BCR: variants seen among roughly 807,000 people sequenced by gnomAD.
The protein encoded by BCR is BCR activator of RhoGEF and GTPase, also known as breakpoint cluster region protein.
A neutral mutation model predicts 138.6 loss-of-function variants in BCR; 58 were observed. The ratio of observed to expected loss-of-function variants is 0.42; its 90% CI spans 0.34 to 0.52. The LOEUF (loss-of-function observed/expected upper bound fraction) is 0.52. Ranked by LOEUF, BCR falls within the 20% of genes least tolerant of loss-of-function variation. The pLI is 0.06. For missense variants in BCR, 1,599 were observed against 1,727.2 expected, an observed-to-expected ratio of 0.93 and a Z score of 1.32; for synonymous variants, 786 against 730.1, an observed-to-expected ratio of 1.08 and a Z score of -1.23.
chr22:23,202,329 T>C (rs941196053), intron 1 of BCR, among the ~76,000 whole-genome samples: 3 of 152,182 alleles, frequency 2.0e-5, no homozygotes, highest in African/African-American at 7.2e-5. Flanking sequence ...ATATACAAAT[T>C]TGACATTTTA....
At chr22:23,262,065 G>A (rs543647460) in intron 4 of BCR, 1 of 152,776 alleles carries the variant, frequency 6.5e-6, no homozygotes, top group Admixed American at 6.6e-5. Flanking sequence ...CACACCCTGT[G>A]TGTGGCTGGG....
chr22:23,283,689 C>G (rs914869984), intron 8 of BCR: 1 of 354,356 alleles, frequency 2.8e-6, no homozygotes, highest in Non-Finnish European at 5.1e-6. Context: ...CCCATTACCT[C>G]CCCCTCTCCC....
chr22:23,286,181 G>A (rs2146302121), intron 10 of BCR, among the ~76,000 whole-genome samples: 1 of 152,350 alleles, frequency 6.6e-6, no homozygotes, highest in South Asian at 2.1e-4. Context: ...GGCCCAGGTG[G>A]CAGTGCCACC....
Position 23,182,069 on chromosome 22 carries a change from C to T in BCR, c.1109C>T (p.Pro370Leu), listed in dbSNP as rs150295769. Residue 370 changes from proline to leucine, a missense_variant, in exon 1 of 23, where the codon CCC (proline) becomes CTC (leucine). By Grantham distance (98) the Pro-to-Leu change is moderately conservative. Transcript: ENST00000305877. ...YRMFRDKSRS[P>L]SQNSQQSFDS... The stretch of plus-strand genomic sequence containing the variant: ...ATGTTCCGGGACAAAAGCCGCTCTC[C>T]CTCGCAGAACTCGCAACAGTCCTTC... 1.2e-6 allele frequency: 2 copies of T among 1,613,534 alleles called. No homozygotes were observed. The highest frequency in any genetic ancestry group is 1.1e-5 in the South Asian group (1 of 91,086).
At chr22:23,257,917 T>C (rs1018447934) in intron 2 of BCR, among the ~76,000 whole-genome samples, 1 of 152,172 alleles carries the variant, frequency 6.6e-6, no homozygotes, top group Non-Finnish European at 1.5e-5. Flanking sequence ...ATCCACTCAT[T>C]GATTTATTAA....
chr22:23,198,164 A>G (rs2072504850), intron 1 of BCR: 3 of 366,112 alleles, frequency 8.2e-6, no homozygotes, highest in South Asian at 2.0e-5. Context: ...CCAAGTGAGT[A>G]TAGGAGAGAC....
At chr22:23,231,147 G>C (rs182256341) in intron 1 of BCR, among the ~76,000 whole-genome samples, 4 of 152,090 alleles carry the variant, frequency 2.6e-5, no homozygotes, top group Non-Finnish European at 5.9e-5. Context: ...TTTCCTAATG[G>C]GAAAGAAGGG....
chr22:23,214,872 C>T (rs181074116), intron 1 of BCR, among the ~76,000 whole-genome samples: 121 of 152,320 alleles, frequency 7.9e-4, no homozygotes, highest in Middle Eastern at 3.4e-3. Flanking sequence ...ACGATCGATG[C>T]ATGACATTAA....
chr22:23,254,786 T>C (rs1010456571), intron 2 of BCR, among the ~76,000 whole-genome samples: 3 of 152,254 alleles, frequency 2.0e-5, no homozygotes, highest in Non-Finnish European at 2.9e-5. Context: ...AGAAAATCAC[T>C]GCCCCAGGGC....
intron 1 of BCR, among the ~76,000 whole-genome samples, chr22:23,197,823 G>A (rs2072501198): frequency 6.6e-6 from 1 of 152,074 alleles, no homozygotes; most frequent in African/African-American, 2.4e-5. Context: ...GGGGCGGTGG[G>A]GAGGAATGGG....
At chr22:23,293,562 G>A (rs1182415939) in intron 15 of BCR, among the ~76,000 whole-genome samples, 1 of 152,146 alleles carries the variant, frequency 6.6e-6, no homozygotes, top group Non-Finnish European at 1.5e-5. Context: ...ATGAGAGGGG[G>A]TATAAGAGCC....
chr22:23,242,810 T>C (rs781006137), intron 1 of BCR: 7 of 453,254 alleles, frequency 1.5e-5, no homozygotes, highest in South Asian at 1.1e-4. Flanking sequence ...ACATTTATTC[T>C]CTCCCAGTTC....
intron 11 of BCR, 99 bp from the exon 12 acceptor site, chr22:23,287,998 T>C (rs767352412): frequency 2.7e-4 from 321 of 1,174,358 alleles, no homozygotes; most frequent in Non-Finnish European, 3.9e-4. Flanking sequence ...TCCAGCCGGC[T>C]GGAGATACGA....
intron 1 of BCR, among the ~76,000 whole-genome samples, chr22:23,219,078 T>A (rs1602027243): frequency 6.6e-6 from 1 of 152,270 alleles, no homozygotes; most frequent in East Asian, 1.9e-4. Context: ...AATGGATGGA[T>A]GGATGGACGG....
At chr22:23,290,497 A>C in intron 14 of BCR, 84 bp downstream of exon 14, 1 of 1,407,284 alleles carries the variant, frequency 7.1e-7, no homozygotes, top group Non-Finnish European at 1.0e-6. Flanking sequence ...GGGTGTGGGG[A>C]AACAGGGAGG....
chr22:23,298,974 C>T (rs2073875330), intron 16 of BCR, among the ~76,000 whole-genome samples: 1 of 152,124 alleles, frequency 6.6e-6, no homozygotes, highest in South Asian at 2.1e-4. Flanking sequence ...GCAACAGACC[C>T]CCTGGGGCCT....
chr22:23,292,955 T>C (rs6003602), intron 15 of BCR, among the ~76,000 whole-genome samples: 19 of 152,258 alleles, frequency 1.2e-4, no homozygotes, highest in African/African-American at 4.3e-4. Flanking sequence ...TTCCATAGTG[T>C]TTTTCCGCAG....
At chr22:23,281,868 G>T (rs1279664789) in intron 8 of BCR, among the ~76,000 whole-genome samples, 1 of 152,230 alleles carries the variant, frequency 6.6e-6, no homozygotes, top group Non-Finnish European at 1.5e-5. Flanking sequence ...GTGACACTCA[G>T]TAGCCTTGCT....
chr22:23,248,653 G>C (rs2073184021), intron 1 of BCR, among the ~76,000 whole-genome samples: 2 of 152,228 alleles, frequency 1.3e-5, no homozygotes, highest in South Asian at 2.1e-4. Context: ...GATTTCACTA[G>C]GCCCTCCCTC....
Sources: gnomAD v4.1 joint callset for allele counts (sites outside exome capture counted in the v4.1 genomes callset) on GRCh38, gnomAD v4.1.1 for gene constraint, MANE v1.5 for transcripts, NCBI Gene and HGNC (gene_info 2026-07-23, HGNC 2026-07-21) for gene names.